Variants in EPSTI1 observed in about 807,000 individuals in gnomAD.
EPSTI1 encodes the protein epithelial stromal interaction 1.
In EPSTI1, 66 loss-of-function variants were observed where a neutral mutation model predicts 49.9. The ratio of observed to expected loss-of-function variants is 1.32; its 90% CI spans 1.08 to 1.62. EPSTI1 has a LOEUF of 1.62. Ranked by LOEUF, EPSTI1 falls within the 40% of genes most tolerant of loss-of-function variation. The probability of loss-of-function intolerance (pLI) is 0.00; values close to 1 mark genes in which losing one functional copy is unlikely to be tolerated. For synonymous variants in EPSTI1, 137 were observed against 130.7 expected (o/e 1.05, Z -0.33); for missense variants, 394 against 365.5 (o/e 1.08, Z -0.64).
chr13:42,931,504 C>CTT (rs2038372497), intron 6 of EPSTI1, among the ~76,000 whole-genome samples: 1 of 152,232 alleles, frequency 6.6e-6, no homozygotes, highest in Admixed American at 6.5e-5. Flanking sequence ...CGCGCCCGGC[C>CTT]TTGCCTGCAG....
At chr13:42,911,402 A>G (rs949425312) in intron 8 of EPSTI1, among the ~76,000 whole-genome samples, 2 of 152,056 alleles carry the variant, frequency 1.3e-5, no homozygotes, top group Admixed American at 6.6e-5. Flanking sequence ...AAGCATAGGG[A>G]AAAAAAATCT....
chr13:42,903,361 GATATC>G (rs1221099700), intron 8 of EPSTI1, among the ~76,000 whole-genome samples: 1 of 152,112 alleles, frequency 6.6e-6, no homozygotes, highest in African/African-American at 2.4e-5. Flanking sequence ...AACATTGAAA[GATATC>G]ATATGAGAAC....
intron 6 of EPSTI1, among the ~76,000 whole-genome samples, chr13:42,937,072 A>G (rs1466138031): frequency 6.6e-6 from 1 of 152,228 alleles, no homozygotes; most frequent in Non-Finnish European, 1.5e-5. Context: ...AAAAAAGCAA[A>G]TGAAATATTG....
intron 1 of EPSTI1, among the ~76,000 whole-genome samples, chr13:42,974,078 G>A (rs942452133): frequency 6.6e-6 from 1 of 152,210 alleles, no homozygotes. Flanking sequence ...GCTCATGCCT[G>A]TAATCTCAGC....
At chr13:42,896,536 C>T (rs1193796531) in intron 9 of EPSTI1, among the ~76,000 whole-genome samples, 1 of 152,218 alleles carries the variant, frequency 6.6e-6, no homozygotes, top group Non-Finnish European at 1.5e-5. Flanking sequence ...CTCCTGAACA[C>T]AACCTAAATT....
intron 6 of EPSTI1, among the ~76,000 whole-genome samples, chr13:42,930,685 T>C (rs1055200775): frequency 6.6e-6 from 1 of 152,152 alleles, no homozygotes; most frequent in African/African-American, 2.4e-5. Context: ...GCAAAAGCAA[T>C]ACATAAATAC....
intron 3 of EPSTI1, among the ~76,000 whole-genome samples, 159 bp downstream of exon 3, chr13:42,968,920 ATACACACACACACAC>A (rs1416162560): frequency 4.9e-5 from 5 of 101,496 alleles, no homozygotes; most frequent in African/African-American, 1.4e-4. Context: ...AAAAAAAAAA[ATACACACACACACAC>A]ACACACACAC....
At chr13:42,894,842 T>C (rs545456147) in intron 10 of EPSTI1, among the ~76,000 whole-genome samples, 167 bp downstream of exon 10, 1 of 152,312 alleles carries the variant, frequency 6.6e-6, no homozygotes, top group South Asian at 2.1e-4. Context: ...GCAGAAGCTA[T>C]TGTGGAATTT....
chr13:42,966,744 G>GGTCAGTC (rs1316858096), intron 3 of EPSTI1, among the ~76,000 whole-genome samples: 1 of 86,550 alleles, frequency 1.2e-5, no homozygotes, highest in Non-Finnish European at 2.6e-5. Flanking sequence ...GGTGAGGGGC[G>GGTCAGTC]CCTCCGCCCG....
chr13:42,910,872 T>A (rs1458555343), intron 8 of EPSTI1, among the ~76,000 whole-genome samples: 1 of 152,198 alleles, frequency 6.6e-6, no homozygotes, highest in Non-Finnish European at 1.5e-5. Flanking sequence ...TTGTTCATAG[T>A]TTTAGTATTT....
chr13:42,888,648 T>C lies in EPSTI1; in HGVS notation c.916-146A>G, dbSNP rs893276650. ...TTAAAATTAACAACTTAAATGACCA[T>C]TGAAACGATTTGATTTTCAAGTCAC... On this transcript the variant is annotated intron_variant, in intron 10 of 10. Coordinates refer to ENST00000313624, the MANE Select transcript of EPSTI1 (RefSeq NM_033255.5). 3.8e-6 allele frequency: 3 copies of C among 781,820 alleles called. No individual in the cohort carries two copies. In the African/African-American group the frequency reaches 5.3e-5, roughly 14 times the overall value. The allele number at this position is 781,820 out of a possible 1,614,324, so 48.4% of individuals were successfully genotyped here.
At chr13:42,965,600 G>A (rs1025313096) in intron 3 of EPSTI1, among the ~76,000 whole-genome samples, 1 of 152,078 alleles carries the variant, frequency 6.6e-6, no homozygotes, top group Non-Finnish European at 1.5e-5. Context: ...TGAATTCTAT[G>A]TCTTCTGTGT....
chr13:42,926,315 C>T, intron 7 of EPSTI1, 21 bp downstream of exon 7: 4 of 1,442,454 alleles, frequency 2.8e-6, no homozygotes, highest in Non-Finnish European at 3.9e-6. Context: ...CAGGCAGCAC[C>T]CTGCAAAGTA....
At chr13:42,931,009 A>G (rs1328175861) in intron 6 of EPSTI1, among the ~76,000 whole-genome samples, 2 of 152,164 alleles carry the variant, frequency 1.3e-5, no homozygotes, top group Non-Finnish European at 2.9e-5. Flanking sequence ...GTGACATAGG[A>G]GCATACATCT....
intron 6 of EPSTI1, among the ~76,000 whole-genome samples, chr13:42,936,625 T>G (rs1159257367): frequency 1.3e-5 from 2 of 152,224 alleles, no homozygotes; most frequent in African/African-American, 4.8e-5. Context: ...TCCTGGGCCC[T>G]CTTCTCAAAC....
At chr13:42,920,979 G>A (rs1308723462) in intron 7 of EPSTI1, among the ~76,000 whole-genome samples, 1 of 152,002 alleles carries the variant, frequency 6.6e-6, no homozygotes, top group Non-Finnish European at 1.5e-5. Flanking sequence ...AAGAAAATAT[G>A]CCAAAATATA....
chr13:42,944,500 C>T (rs562401917), intron 6 of EPSTI1, among the ~76,000 whole-genome samples: 3 of 152,092 alleles, frequency 2.0e-5, no homozygotes, highest in African/African-American at 7.2e-5. Flanking sequence ...AGGGGAACAT[C>T]ACACACCAGG....
intron 7 of EPSTI1, among the ~76,000 whole-genome samples, chr13:42,920,173 G>C (rs2037952117): frequency 6.6e-6 from 1 of 152,162 alleles, no homozygotes; most frequent in Non-Finnish European, 1.5e-5. Flanking sequence ...GTCACATTCT[G>C]AGGTGCTAGG....
At chr13:42,947,458 C>T (rs911951234) in intron 6 of EPSTI1, among the ~76,000 whole-genome samples, 1 of 152,182 alleles carries the variant, frequency 6.6e-6, no homozygotes, top group African/African-American at 2.4e-5. Flanking sequence ...CACCCCAAGT[C>T]CTCTTATCCA....
Sources: gnomAD v4.1 joint callset for allele counts (sites outside exome capture counted in the v4.1 genomes callset) on GRCh38, gnomAD v4.1.1 for gene constraint, MANE v1.5 for transcripts, NCBI Gene and HGNC (gene_info 2026-07-23, HGNC 2026-07-21) for gene names.